The following KAZN variants were observed in gnomAD, a reference collection of about 807,000 sequenced individuals.
The protein encoded by KAZN is kazrin.
A neutral mutation model predicts 87.4 loss-of-function variants in KAZN; 40 were observed. The ratio of observed to expected loss-of-function variants is 0.46; its 90% confidence interval spans 0.36 to 0.60. The LOEUF (loss-of-function observed/expected upper bound fraction) is 0.60. Ranked by LOEUF, KAZN falls within the 20% of genes least tolerant of loss-of-function variation. The probability of loss-of-function intolerance (pLI) is 0.00; values close to 1 mark genes in which losing one functional copy is unlikely to be tolerated. For missense variants in KAZN, 898 were observed against 1,073.9 expected (o/e 0.84, Z 2.29); for synonymous variants, 466 against 458.3 (o/e 1.02, Z -0.22).
intron 4 of KAZN, among the ~76,000 whole-genome samples, chr1:15,046,712 C>A (rs778353688): frequency 2.0e-5 from 3 of 152,172 alleles, no homozygotes; most frequent in African/African-American, 4.8e-5. Context: ...CCAATGCTGA[C>A]CCCTAGTGGT....
intron 1 of KAZN, among the ~76,000 whole-genome samples, chr1:13,902,717 T>C (rs1639293713): frequency 6.6e-6 from 1 of 152,090 alleles, no homozygotes; most frequent in Admixed American, 6.6e-5. Context: ...TAAAGAAAAA[T>C]GTTTGAGATG....
intron 2 of KAZN, among the ~76,000 whole-genome samples, chr1:14,494,576 C>G (rs1669844853): frequency 1.3e-5 from 2 of 152,104 alleles, no homozygotes; most frequent in African/African-American, 2.4e-5. Flanking sequence ...TGTACACAGC[C>G]TCTGGTCCAA....
At chr1:14,589,175 G>C (rs1676037617) in intron 2 of KAZN, among the ~76,000 whole-genome samples, 1 of 152,162 alleles carries the variant, frequency 6.6e-6, no homozygotes. Flanking sequence ...TTGCTACCAA[G>C]ATGGCTGAGG....
chr1:14,727,450 C>CTTTTTTTTTTTTTTTTTTTTTTTTTTTTT (rs57203868), intron 1 of KAZN, among the ~76,000 whole-genome samples: 2 of 73,920 alleles, frequency 2.7e-5, no homozygotes, highest in Non-Finnish European at 5.1e-5. Flanking sequence ...TGTGCACTTT[C>CTTTTTTTTTTTTTTTTTTTTTTTTTTTTT]TTTTTTTTTT....
At chr1:14,123,472 G>T (rs188061179) in intron 1 of KAZN, among the ~76,000 whole-genome samples, 57 of 152,286 alleles carry the variant, frequency 3.7e-4, no homozygotes, top group African/African-American at 1.3e-3. Flanking sequence ...GTGCTTTGTT[G>T]CAGAGAAGAG....
chr1:13,922,428 A>G (rs1332304616), intron 1 of KAZN, among the ~76,000 whole-genome samples: 4 of 152,086 alleles, frequency 2.6e-5, no homozygotes, highest in African/African-American at 7.2e-5. Context: ...TCTGTTTCCT[A>G]TTGGAAATCC....
intron 2 of KAZN, among the ~76,000 whole-genome samples, chr1:14,272,904 A>G (rs1652062139): frequency 6.6e-6 from 1 of 152,092 alleles, no homozygotes. Context: ...ATAAATCTCA[A>G]CATTGTGAAT....
intron 1 of KAZN, among the ~76,000 whole-genome samples, chr1:14,825,402 T>A (rs1646855224): frequency 6.6e-6 from 1 of 152,136 alleles, no homozygotes; most frequent in South Asian, 2.1e-4. Context: ...CATCCCACAC[T>A]CTCTCTAGAC....
chr1:14,366,327 T>A (rs1427964692), intron 2 of KAZN, among the ~76,000 whole-genome samples: 1 of 152,344 alleles, frequency 6.6e-6, no homozygotes, highest in East Asian at 1.9e-4. Flanking sequence ...CTATTCAGGG[T>A]GACCAGTTCA....
intron 1 of KAZN, among the ~76,000 whole-genome samples, chr1:14,864,461 C>CT (rs1206739629): frequency 1.3e-5 from 2 of 152,126 alleles, no homozygotes; most frequent in Non-Finnish European, 2.9e-5. Flanking sequence ...ACTCGGGAGG[C>CT]TGAGGCAGGA....
intron 1 of KAZN, among the ~76,000 whole-genome samples, chr1:14,120,671 G>A (rs1644733546): frequency 2.0e-5 from 3 of 152,130 alleles, no homozygotes; most frequent in South Asian, 2.1e-4. Flanking sequence ...GGTAGGGAGG[G>A]AAGATTCTTT....
chr1:14,332,337 C>T (rs1656912158), intron 2 of KAZN, among the ~76,000 whole-genome samples: 2 of 152,070 alleles, frequency 1.3e-5, no homozygotes, highest in Admixed American at 1.3e-4. Flanking sequence ...GGAAGTTCTC[C>T]AGGAGGTGTG....
At chr1:14,796,828 A>T (rs936781260) in intron 1 of KAZN, among the ~76,000 whole-genome samples, 2 of 152,234 alleles carry the variant, frequency 1.3e-5, no homozygotes, top group African/African-American at 2.4e-5. Flanking sequence ...TCTCGAACAG[A>T]TGGCACAACC....
chr1:14,885,870 T>C (rs374330812), intron 1 of KAZN, among the ~76,000 whole-genome samples: 16 of 152,270 alleles, frequency 1.1e-4, no homozygotes, highest in African/African-American at 3.9e-4. Flanking sequence ...AATCTATCGA[T>C]ACAGATGAAT....
At chr1:14,891,898 C>T (rs1227793954) in intron 1 of KAZN, among the ~76,000 whole-genome samples, 1 of 151,944 alleles carries the variant, frequency 6.6e-6, no homozygotes, top group African/African-American at 2.4e-5. Flanking sequence ...GGCAGTAAGA[C>T]GTGTCCATGA....
chr1:14,217,970 A>C (rs1411205433), intron 2 of KAZN, among the ~76,000 whole-genome samples: 2 of 152,136 alleles, frequency 1.3e-5, no homozygotes, highest in African/African-American at 4.8e-5. Flanking sequence ...GCTCAGGCAA[A>C]CTCAATGACT....
chr1:14,548,975 T>C (rs183384867), intron 2 of KAZN, among the ~76,000 whole-genome samples: 114 of 152,362 alleles, frequency 7.5e-4, no homozygotes, highest in Admixed American at 1.6e-3. Context: ...ATTTTATCCA[T>C]AACCGGCTTG....
intron 1 of KAZN, among the ~76,000 whole-genome samples, chr1:14,860,343 C>G (rs896723414): frequency 6.6e-6 from 1 of 152,010 alleles, no homozygotes. Flanking sequence ...AGGCGTGCAC[C>G]ACCATGCCCA....
chr1:14,352,049 G>A (rs1026315483), intron 2 of KAZN, among the ~76,000 whole-genome samples: 2 of 152,070 alleles, frequency 1.3e-5, no homozygotes, highest in African/African-American at 4.8e-5. Context: ...TTACAAACAC[G>A]TGTTTATTTC....
Sources: allele counts gnomAD v4.1 joint callset (sites outside exome capture counted in the v4.1 genomes callset), GRCh38; gene constraint gnomAD v4.1.1; transcripts MANE v1.5; gene names NCBI Gene and HGNC (gene_info 2026-07-23, HGNC 2026-07-21).